Variants in ARL4C observed in about 807,000 individuals in gnomAD.
ARL4C encodes ARF like GTPase 4C.
Under a neutral mutation model 12.8 loss-of-function variants are expected in ARL4C, and 5 were observed. That is an observed-to-expected ratio of 0.39 (90% CI 0.20 to 0.82). The LOEUF is 0.82. Among genes scored for constraint, ARL4C ranks in the 40% least tolerant of loss-of-function variants. The pLI is 0.39. For synonymous variants in ARL4C, 119 were observed against 119.4 expected (o/e 1.00, Z 0.02); for missense variants, 148 against 265.2 (o/e 0.56, Z 3.07).
Position 234,496,551 on chromosome 2 carries a change from C to T in ARL4C, c.36G>A (p.Gln12=). ...GNISSNISAF[Q]SLHIVMLGLD... ...AGCCCAACATGACGATATGCAGGGA[C>T]TGGAAGGCCGAGATGTTAGAGGAGA... Residue 12 remains glutamine (Q), a synonymous_variant, in exon 1 of 2, where the codon CAG becomes CAA. Transcript: ENST00000339728. 6.2e-7 allele frequency: 1 copy of T among 1,602,922 alleles called. No homozygotes were observed. The highest frequency in any genetic ancestry group is 8.5e-7 in the Non-Finnish European group (1 of 1,174,940).
In ARL4C at chr2:234,496,406, C is replaced by G; in HGVS notation, c.181G>C (p.Gly61Arg). ...KIKLSNGTAK[G>R]ISCHFWDVGG... ...ACGTCCCAGAAGTGGCAGCTGATGC[C>G]CTTGGCCGTGCCGTTGCTCAGCTTG... The change falls in exon 1 of 2, where the codon GGC becomes CGC. Residue 61 changes from glycine (G) to arginine (R), a missense_variant. Transcript: ENST00000339728. 1 of 1,611,458 alleles carries G rather than the reference C, an allele frequency of 6.2e-7. No homozygotes were observed. The highest frequency in any genetic ancestry group is 8.5e-7 in the Non-Finnish European group (1 of 1,179,288).
rs1361807681 is a variant in ARL4C at position 234,493,046 on chromosome 2, T to C, written c.*2760A>G. 6.6e-6 allele frequency: 1 copy of C among 152,594 alleles called. No individual in the cohort carries two copies. Among genetic ancestry groups the C allele is most frequent in the Non-Finnish European group, 1.5e-5 (1 of 68,032 alleles). The allele number at this position is 152,594 out of a possible 1,614,324, so 9.5% of individuals were successfully genotyped here. On this transcript the variant is annotated 3_prime_UTR_variant, in exon 2 of 2. Coordinates refer to ENST00000339728, the MANE Select transcript of ARL4C (RefSeq NM_001282431.2). Reference sequence around the variant, plus strand: ...ACAGAAAATCTCCCCAGTCATTTGATTGTATAAATAATTTATTTCTGTTCA... The same window carrying C: ...ACAGAAAATCTCCCCAGTCATTTGACTGTATAAATAATTTATTTCTGTTCA...
In ARL4C at chr2:234,496,269, C is replaced by G; in HGVS notation, c.318G>C (p.Thr106=). ...VDVDRLEEAK[T]ELHKVTKFAE... ...CGAACTTGGTCACCTTGTGCAGCTC[C>G]GTCTTGGCCTCCTCCAGCCGGTCCA... Residue 106 remains threonine, a synonymous_variant, in exon 1 of 2, where the codon ACG becomes ACC. Transcript: ENST00000339728. 1 of 1,594,104 alleles carries G rather than the reference C, an allele frequency of 6.3e-7. No individual in the cohort carries two copies. The highest frequency in any genetic ancestry group is 8.5e-7 in the Non-Finnish European group (1 of 1,169,832).
chr2:234,495,199 A>G lies in ARL4C; in HGVS notation c.*607T>C, dbSNP rs1691764066. Reference sequence around the variant, plus strand: ...CTCTTTGTGTGATAATGACCTACACATGGACAGGGTCCAAACCATCTGGAA... The same window carrying G: ...CTCTTTGTGTGATAATGACCTACACGTGGACAGGGTCCAAACCATCTGGAA... On this transcript the variant is annotated 3_prime_UTR_variant, in exon 2 of 2. Coordinates refer to ENST00000339728, the MANE Select transcript of ARL4C (RefSeq NM_001282431.2). 1 of 152,588 alleles carries G rather than the reference A, an allele frequency of 6.6e-6. No individual in the cohort carries two copies. Among genetic ancestry groups the G allele is most frequent in the African/African-American group, 2.4e-5 (1 of 40,962 alleles). The allele number at this position is 152,588 out of a possible 1,614,324, so 9.5% of individuals were successfully genotyped here.
rs764670514 is a variant in ARL4C, at chr2:234,496,203, C to T, written c.384G>A (p.Lys128=). Residue 128 remains lysine (K), a synonymous_variant, in exon 1 of 2, where the codon AAG becomes AAA. Transcript: ENST00000339728. ...CCGGCAGCGACTTGGGCAGGTCCTG[C>T]TTGTTGGCGATGACCAGCAGCGGCG... is the stretch of plus-strand genomic sequence containing the variant. The part of the protein sequence containing the change: ...QGTPLLVIAN[K]QDLPKSLPVA... 1.6e-5 allele frequency: 26 copies of T among 1,600,912 alleles called. No homozygotes were observed. Among genetic ancestry groups the T allele is most frequent in the Non-Finnish European group, 2.2e-5 (26 of 1,173,582 alleles).
In ARL4C at chr2:234,494,729, T is replaced by C. The variant is rs1172599050; in HGVS notation, c.*1077A>G. The C allele has an allele frequency of 1.3e-5, 2 of 152,044 alleles. No homozygotes were observed. Among genetic ancestry groups the C allele is most frequent in the African/African-American group, 4.8e-5 (2 of 41,390 alleles). 9.4% of individuals were successfully genotyped at this position (152,044 alleles called of 1,614,324 possible). A position where few individuals can be genotyped will look rare whatever the true frequency, so the allele number is the denominator to read the frequency against. ...TGTCACCACTTGCAGCATAAAGGAATATAAAAGGGCAGAGCAAAGTCTTTT... is the reference window on the plus strand; with the variant it reads ...TGTCACCACTTGCAGCATAAAGGAACATAAAAGGGCAGAGCAAAGTCTTTT... On this transcript the variant is annotated 3_prime_UTR_variant, in exon 2 of 2. Coordinates refer to ENST00000339728, the MANE Select transcript of ARL4C (RefSeq NM_001282431.2).
intron 1 of ARL4C, 63 bp downstream of exon 1, chr2:234,495,949 C>T: frequency 1.2e-6 from 2 of 1,610,644 alleles, no homozygotes; most frequent in East Asian, 2.2e-5. Flanking sequence ...TCCAACCATC[C>T]ATCCATCCAT....
intron 1 of ARL4C, 84 bp from the exon 2 acceptor site, chr2:234,495,920 T>A: frequency 6.2e-7 from 1 of 1,607,216 alleles, no homozygotes; most frequent in Non-Finnish European, 8.5e-7. Context: ...GGGTTCTCGC[T>A]CATCCATCCA....
In ARL4C at chr2:234,496,500, C is replaced by T. The variant is rs1445816250; in HGVS notation, c.87G>A (p.Val29=). The change falls in exon 1 of 2, where the codon GTG becomes GTA. Residue 29 remains valine, a synonymous_variant. Coordinates refer to ENST00000339728, the MANE Select transcript of ARL4C (RefSeq NM_001282431.2). ...ACTCGTTGAACTTGAGCCGGTAGAGCACCGTGGTCTTGCCGGCCGAGTCCA... is the reference window on the plus strand; with the variant it reads ...ACTCGTTGAACTTGAGCCGGTAGAGTACCGTGGTCTTGCCGGCCGAGTCCA... ...LGLDSAGKTT[V]LYRLKFNEFV... 1 of 1,613,762 alleles carries T rather than the reference C, an allele frequency of 6.2e-7. No individual in the cohort carries two copies. The highest frequency in any genetic ancestry group is 1.7e-5 in the Admixed American group (1 of 59,940).
In ARL4C at chr2:234,496,416, G is replaced by A. The variant is rs1691784367; in HGVS notation, c.171C>T (p.Gly57=). ...AGTGGCAGCTGATGCCCTTGGCCGT[G>A]CCGTTGCTCAGCTTGATCTTCTCGG... ...FNTEKIKLSN[G]TAKGISCHFW... is the part of the protein sequence containing the mutation. The change falls in exon 1 of 2, where the codon GGC becomes GGT. Residue 57 remains glycine, a synonymous_variant. Coordinates refer to ENST00000339728, the MANE Select transcript of ARL4C (RefSeq NM_001282431.2). The A allele has an allele frequency of 2.5e-6, 4 of 1,611,408 alleles. No homozygotes were observed. The highest frequency in any genetic ancestry group is 3.4e-6 in the Non-Finnish European group (4 of 1,179,366).
chr2:234,495,891 G>C, intron 1 of ARL4C, 55 bp from the exon 2 acceptor site: 2 of 1,602,898 alleles, frequency 1.2e-6, no homozygotes, highest in Non-Finnish European at 1.7e-6. Context: ...GCTTTGGTTC[G>C]CTCTTTGTTC....
Position 234,495,656 on chromosome 2 carries a change from G to C in ARL4C, c.*150C>G. The C allele has an allele frequency of 1.0e-6, 1 of 985,050 alleles. No individual in the cohort carries two copies. The highest frequency in any genetic ancestry group is 1.6e-6 in the Non-Finnish European group (1 of 645,156). 61.0% of individuals were successfully genotyped at this position (985,050 alleles called of 1,614,324 possible). ...AATCGCTTTTGTCTTTCCGACAACT[G>C]AGCCTTCCACCTGGGGCTGGGAGGG... is the stretch of plus-strand genomic sequence containing the variant. On this transcript the variant is annotated 3_prime_UTR_variant, in exon 2 of 2. Coordinates refer to ENST00000339728, the MANE Select transcript of ARL4C (RefSeq NM_001282431.2).
rs1344331977 is a variant in ARL4C, at chr2:234,493,419, G to C, written c.*2387C>G. The C allele has an allele frequency of 6.6e-6, 1 of 152,250 alleles. No homozygotes were observed. The highest frequency in any genetic ancestry group is 1.5e-5 in the Non-Finnish European group (1 of 68,048). The allele number at this position is 152,250 out of a possible 1,614,324, so 9.4% of individuals were successfully genotyped here. ...GATCTGTGCTTCCTCTGTTGGGTCA[G>C]AGACGAAACGGGCTATTATTAGGTC... On this transcript the variant is annotated 3_prime_UTR_variant, in exon 2 of 2. Transcript: ENST00000339728.
rs562490035 is a variant in ARL4C at position 234,495,501 on chromosome 2, A to C, written c.*305T>G. The C allele has an allele frequency of 1.4e-5, 8 of 553,992 alleles. No individual in the cohort carries two copies. In the East Asian group the frequency reaches 2.5e-4, roughly 17 times the overall value. 34.3% of individuals were successfully genotyped at this position (553,992 alleles called of 1,614,324 possible). ...GAATGCAAGGAGAGGTGGTCCCCCC[A>C]GAACCAACATGCCCCCCAAGGTGGG... On this transcript the variant is annotated 3_prime_UTR_variant, in exon 2 of 2. Transcript: ENST00000339728.
rs767376310 is a variant in ARL4C at position 234,494,684 on chromosome 2, C to A, written c.*1122G>T. 1.3e-5 allele frequency: 2 copies of A among 152,050 alleles called. No homozygotes were observed. 9.4% of individuals were successfully genotyped at this position (152,050 alleles called of 1,614,324 possible). On this transcript the variant is annotated 3_prime_UTR_variant, in exon 2 of 2. Transcript: ENST00000339728. The stretch of plus-strand genomic sequence containing the variant: ...CTTAAACCAGATAGGCCACAATGAA[C>A]CAAATTAGAAATCTGAACATGTCAC...
rs766704450 is a variant in ARL4C at position 234,496,414 on chromosome 2, G to T, written c.173C>A (p.Thr58Lys). The T allele has an allele frequency of 1.9e-6, 3 of 1,611,170 alleles. No individual in the cohort carries two copies. Among genetic ancestry groups the T allele is most frequent in the Admixed American group, 1.7e-5 (1 of 59,490 alleles). ...NTEKIKLSNG[T>K]AKGISCHFWD... ...GAAGTGGCAGCTGATGCCCTTGGCC[G>T]TGCCGTTGCTCAGCTTGATCTTCTC... Residue 58 changes from threonine (T) to lysine (K), a missense_variant, in exon 1 of 2, where the codon ACG becomes AAG. Thr to Lys is a moderately conservative substitution (Grantham distance 78). Transcript: ENST00000339728.
chr2:234,496,753 G>C lies in ARL4C; in HGVS notation c.-167C>G, dbSNP rs1292928598. The C allele has an allele frequency of 5.7e-6, 1 of 176,426 alleles. No homozygotes were observed. Among genetic ancestry groups the C allele is most frequent in the Non-Finnish European group, 1.1e-5 (1 of 92,526 alleles). 10.9% of individuals were successfully genotyped at this position (176,426 alleles called of 1,614,324 possible). A position where few individuals can be genotyped will look rare whatever the true frequency, so the allele number is the denominator to read the frequency against. On this transcript the variant is annotated 5_prime_UTR_variant, in exon 1 of 2. Coordinates refer to ENST00000339728, the MANE Select transcript of ARL4C (RefSeq NM_001282431.2). ...GGCGCACGGCTTGGCGCGCTCAGACGCCGCAGTCCCCGCGCCCTCGCCGGC... is the reference window on the plus strand; with the variant it reads ...GGCGCACGGCTTGGCGCGCTCAGACCCCGCAGTCCCCGCGCCCTCGCCGGC...
At position 234,496,581 on chromosome 2, in the gene ARL4C, G is replaced by T. The variant is rs1691787088; in HGVS notation, c.6C>A (p.Gly2=). M[G]NISSNISAFQ... Reference sequence around the variant, plus strand: ...AGGCCGAGATGTTAGAGGAGATGTTGCCCATGGCTCCTGGCTGCGGCGCCA... The same window carrying T: ...AGGCCGAGATGTTAGAGGAGATGTTTCCCATGGCTCCTGGCTGCGGCGCCA... The change falls in exon 1 of 2, where the codon GGC becomes GGA. Residue 2 remains glycine, a synonymous_variant. Coordinates refer to ENST00000339728, the MANE Select transcript of ARL4C (RefSeq NM_001282431.2). 1.3e-6 allele frequency: 2 copies of T among 1,546,390 alleles called. No individual in the cohort carries two copies. The highest frequency in any genetic ancestry group is 1.7e-6 in the Non-Finnish European group (2 of 1,146,100).
chr2:234,495,176 CTT>C lies in ARL4C; in HGVS notation c.*628_*629del, dbSNP rs1293961240. On this transcript the variant is annotated 3_prime_UTR_variant, in exon 2 of 2. Coordinates refer to ENST00000339728, the MANE Select transcript of ARL4C (RefSeq NM_001282431.2). ...TTATTTTTTTTATTTTTATTGGTCT[CTT>C]TGTGTGATAATGACCTACACATGGA... 2.7e-5 allele frequency: 4 copies of C among 150,826 alleles called. No individual in the cohort carries two copies. The South Asian group carries it at 6.3e-4, about 24-fold the overall frequency. The allele number at this position is 150,826 out of a possible 1,614,324, so 9.3% of individuals were successfully genotyped here.
Sources: gnomAD v4.1 joint callset for allele counts on GRCh38, gnomAD v4.1.1 for gene constraint, MANE v1.5 for transcripts, NCBI Gene and HGNC (gene_info 2026-07-23, HGNC 2026-07-21) for gene names.